Variants in EXOC3L2 observed in about 807,000 individuals in gnomAD.
EXOC3L2 encodes exocyst complex component 3 like 2.
EXOC3L2 carries 17 observed loss-of-function variants against 44.4 expected under a neutral mutation model. That is an observed-to-expected ratio of 0.38 (90% CI 0.26 to 0.57). The LOEUF is 0.57. Ranked by LOEUF, EXOC3L2 falls within the 20% of genes least tolerant of loss-of-function variation. The pLI, the probability that EXOC3L2 is intolerant of heterozygous loss-of-function variation, is 0.65. For missense variants in EXOC3L2, 541 were observed against 588.4 expected (o/e 0.92, Z 0.83); for synonymous variants, 256 against 253.7 (o/e 1.01, Z -0.09).
At chr19:45,219,948 G>C (rs1289267165) in intron 8 of EXOC3L2, among the ~76,000 whole-genome samples, 1 of 150,904 alleles carries the variant, frequency 6.6e-6, no homozygotes, top group East Asian at 2.0e-4. Context: ...GAGGTGGGTG[G>C]ATCACTTGAG....
intron 11 of EXOC3L2, 113 bp downstream of exon 11, chr19:45,215,952 GCCGTCAGA>G (rs1357265721): frequency 7.2e-7 from 1 of 1,396,616 alleles, no homozygotes; most frequent in East Asian, 2.4e-5. Context: ...GCAGGAAACG[GCCGTCAGA>G]CACGCTCACC....
chr19:45,223,820 C>G (rs1186490616), intron 8 of EXOC3L2, among the ~76,000 whole-genome samples: 1 of 127,376 alleles, frequency 7.9e-6, no homozygotes, highest in Non-Finnish European at 1.6e-5. Flanking sequence ...GGTAAAACAC[C>G]ATCTCTACTA....
chr19:45,239,479 G>A (rs1271402649), intron 1 of EXOC3L2, among the ~76,000 whole-genome samples: 2 of 150,878 alleles, frequency 1.3e-5, no homozygotes, highest in African/African-American at 2.4e-5. Context: ...GCCTCCCAAA[G>A]TGCTGGGATT....
At chr19:45,227,384 G>T (rs1302234466) in intron 7 of EXOC3L2, among the ~76,000 whole-genome samples, 1 of 152,114 alleles carries the variant, frequency 6.6e-6, no homozygotes, top group Non-Finnish European at 1.5e-5. Flanking sequence ...GCCTCCCAAA[G>T]TGCTGGGATT....
intron 10 of EXOC3L2, 56 bp from the exon 11 acceptor site, chr19:45,216,250 C>G (rs1969833889): frequency 6.3e-7 from 1 of 1,591,588 alleles, no homozygotes; most frequent in Admixed American, 1.7e-5. Flanking sequence ...CCTGCCAATT[C>G]CTGCCCCTCC....
chr19:45,240,710 A>G (rs1460205319), intron 1 of EXOC3L2, among the ~76,000 whole-genome samples: 2 of 152,172 alleles, frequency 1.3e-5, no homozygotes, highest in East Asian at 1.9e-4. Context: ...AGCTTGGCCA[A>G]CATGGTGAAA....
At chr19:45,230,142 T>G (rs758904726) in intron 4 of EXOC3L2, among the ~76,000 whole-genome samples, 1 of 151,734 alleles carries the variant, frequency 6.6e-6, no homozygotes, top group Non-Finnish European at 1.5e-5. Flanking sequence ...CGCCTCAGAT[T>G]CTTGAGTAGC....
chr19:45,229,626 A>G (rs546444790), intron 4 of EXOC3L2, among the ~76,000 whole-genome samples: 43 of 149,534 alleles, frequency 2.9e-4, no homozygotes, highest in Non-Finnish European at 5.9e-4. Flanking sequence ...TGGGCAGATC[A>G]CCTGAGGTTG....
chr19:45,239,694 T>C (rs1337474130), intron 1 of EXOC3L2, among the ~76,000 whole-genome samples: 2 of 151,986 alleles, frequency 1.3e-5, no homozygotes, highest in African/African-American at 4.8e-5. Context: ...CTAAGTTTTA[T>C]ATTTTTAGTA....
Position 45,238,675 on chromosome 19 carries a change from T to A in EXOC3L2, c.371A>T (p.Glu124Val). 2.5e-6 allele frequency: 1 copy of A among 399,028 alleles called. No individual in the cohort carries two copies. Among genetic ancestry groups the A allele is most frequent in the Non-Finnish European group, 4.4e-6 (1 of 225,978 alleles). The allele number at this position is 399,028 out of a possible 1,614,324, so 24.7% of individuals were successfully genotyped here. Residue 124 changes from glutamate (E) to valine (V), a missense_variant, in exon 2 of 12, where the codon GAG becomes GTG. Physicochemically the swap from Glu to Val is moderately radical, Grantham distance 121 (BLOSUM62 -2). Transcript: ENST00000413988. This position sits in a 1 kb window ranked among gnomAD's most constrained non-coding sequence, Gnocchi z 5.5. ...CAGGAAGGCCAGTCTCCGGGCGGCC[T>A]CCCCCGCTGCCTCCTCGTCGCCGTG... The part of the protein sequence containing the change: ...RAHGDEEAAG[E>V]AARRLAFLRL...
At chr19:45,226,747 C>CTTCTTTTTTTTTTTTTTTTTT (rs1969965305) in intron 7 of EXOC3L2, among the ~76,000 whole-genome samples, 3 of 90,670 alleles carry the variant, frequency 3.3e-5, no homozygotes, top group African/African-American at 1.8e-4. Flanking sequence ...ACTCCCATCT[C>CTTCTTTTTTTTTTTTTTTTTT]TTTTTTTTTT....
intron 3 of EXOC3L2, among the ~76,000 whole-genome samples, chr19:45,232,711 G>C (rs1970043952): frequency 1.3e-5 from 2 of 152,104 alleles, no homozygotes; most frequent in Non-Finnish European, 1.5e-5. Flanking sequence ...TAAGATTCTA[G>C]GACTGAGAGG....
intron 11 of EXOC3L2, among the ~76,000 whole-genome samples, chr19:45,214,975 G>A (rs1034322189): frequency 1.3e-4 from 19 of 151,990 alleles, no homozygotes; most frequent in African/African-American, 4.6e-4. Context: ...GGTCAACTTG[G>A]TGAAATCCCA....
chr19:45,232,752 C>T (rs893349180), intron 3 of EXOC3L2, among the ~76,000 whole-genome samples: 24 of 152,130 alleles, frequency 1.6e-4, no homozygotes, highest in African/African-American at 5.8e-4. Flanking sequence ...GGGTGCTACC[C>T]TTATAGAATT....
chr19:45,234,892 T>G lies in EXOC3L2; in HGVS notation c.524-66A>C. On this transcript the variant is annotated intron_variant, in intron 2 of 11. Transcript: ENST00000413988. This position sits in a 1 kb window ranked among gnomAD's most constrained non-coding sequence, Gnocchi z 5.0. ...AGGAGGGCGATGCCGGACGCGGGGT[T>G]GGGGGTGCTTAGGAAGGGGAGAGAG... 2.7e-6 allele frequency: 1 copy of G among 374,434 alleles called. No homozygotes were observed. Among genetic ancestry groups the G allele is most frequent in the Non-Finnish European group, 4.7e-6 (1 of 211,280 alleles). The allele number at this position is 374,434 out of a possible 1,614,324, so 23.2% of individuals were successfully genotyped here.
rs1969790550 is a variant in EXOC3L2, at chr19:45,212,903, G to A, written c.*166C>T. ...GCATGAGCCACCGTGCCTGGCGTTTGTTTCCCTTCTGTACAGGGAGTTTGG... is the reference window on the plus strand; with the variant it reads ...GCATGAGCCACCGTGCCTGGCGTTTATTTCCCTTCTGTACAGGGAGTTTGG... On this transcript the variant is annotated 3_prime_UTR_variant, in exon 12 of 12. Transcript: ENST00000413988. 1.3e-6 allele frequency: 1 copy of A among 750,550 alleles called. No individual in the cohort carries two copies. The highest frequency in any genetic ancestry group is 1.8e-5 in the African/African-American group (1 of 54,130). 46.5% of individuals were successfully genotyped at this position (750,550 alleles called of 1,614,324 possible). A position where few individuals can be genotyped will look rare whatever the true frequency, so the allele number is the denominator to read the frequency against.
chr19:45,229,484 CTA>C (rs941262458), intron 4 of EXOC3L2, among the ~76,000 whole-genome samples: 1 of 146,660 alleles, frequency 6.8e-6, no homozygotes, highest in African/African-American at 2.5e-5. Context: ...AATATGTAAT[CTA>C]TATTAACATA....
rs1267185533 is a variant in EXOC3L2 at position 45,226,114 on chromosome 19, G to T, written c.1584-1201C>A. Among the ~76,000 whole-genome samples the T allele has an allele frequency of 2.0e-5, 3 of 152,148 alleles. No homozygotes were observed. The East Asian group carries it at 5.8e-4, about 29-fold the overall frequency. The stretch of plus-strand genomic sequence containing the variant: ...TTTATTTAACTGGCCCTCGATAGAT[G>T]GACAGTTGGTTCCATTTTTTCCAGG... On this transcript the variant is annotated intron_variant, in intron 7 of 11. Transcript: ENST00000413988.
chr19:45,231,724 A>T (rs769294719), intron 4 of EXOC3L2, 39 bp downstream of exon 4: 1 of 1,567,498 alleles, frequency 6.4e-7, no homozygotes, highest in Admixed American at 1.7e-5. Context: ...CCCTCCCTCC[A>T]CAGCACCTCC....
Sources: allele counts gnomAD v4.1 joint callset (sites outside exome capture counted in the v4.1 genomes callset), GRCh38; gene constraint gnomAD v4.1.1; non-coding constraint Gnocchi (gnomAD v3.1); transcripts MANE v1.5; gene names NCBI Gene and HGNC (gene_info 2026-07-23, HGNC 2026-07-21).